The following SERPINB12 variants were observed in gnomAD, a reference collection of about 807,000 sequenced individuals.
SERPINB12 encodes serpin B12.
In SERPINB12, 57 loss-of-function variants were observed where a neutral mutation model predicts 41.1. The observed-to-expected ratio is 1.39, with a 90% CI of 1.12 to 1.73. The LOEUF (loss-of-function observed/expected upper bound fraction) is 1.73. Ranked by LOEUF, SERPINB12 falls within the 40% of genes most tolerant of loss-of-function variation. The pLI is 0.00. For synonymous variants in SERPINB12, 180 were observed against 181.3 expected (o/e 0.99, Z 0.06); for missense variants, 536 against 501.9 (o/e 1.07, Z -0.65).
chr18:63,565,593 A>T lies in SERPINB12; in HGVS notation c.854A>T (p.Asn285Ile), dbSNP rs371332005. ...FVLLPSHSKD[N>I]LKGLEELERK... ...CTGCTGCCATCTCACTCTAAAGATAACCTGAAGGGTCTGGAAGAGGTAAAT... is the reference window on the plus strand; with the variant it reads ...CTGCTGCCATCTCACTCTAAAGATATCCTGAAGGGTCTGGAAGAGGTAAAT... Residue 285 changes from asparagine to isoleucine, a missense_variant, in exon 7 of 8, where the codon AAC becomes ATC. Transcript: ENST00000382768. The T allele has an allele frequency of 6.2e-7, 1 of 1,613,230 alleles. No homozygotes were observed. Among genetic ancestry groups the T allele is most frequent in the East Asian group, 2.2e-5 (1 of 44,862 alleles).
At chr18:63,521,053 C>T in the SERPINB12 span, among the ~76,000 whole-genome samples, 730 of 152,272 alleles carry the variant, frequency 4.8e-3, 3 homozygotes, top group African/African-American at 0.016. Flanking sequence ...AGGGTGGCAT[C>T]AGTCCAATGT....
In SERPINB12 at chr18:63,566,770, C is replaced by T. The variant is rs999616133; in HGVS notation, c.1037C>T (p.Thr346Met). ...DMGITDIFDETRADLTGISPS... is the reference protein window; with the variant it reads ...DMGITDIFDEMRADLTGISPS... ...GGCATTACGGATATCTTTGATGAAA[C>T]GAGGGCTGATCTTACTGGAATCTCT... The change falls in exon 8 of 8, where the codon ACG becomes ATG. Residue 346 changes from threonine (T) to methionine (M), a missense_variant. Transcript: ENST00000382768. 2.2e-5 allele frequency: 35 copies of T among 1,613,956 alleles called. No homozygotes were observed. The highest frequency in any genetic ancestry group is 5.5e-5 in the South Asian group (5 of 91,056).
chr18:63,524,571 G>A, the SERPINB12 span, among the ~76,000 whole-genome samples: 3 of 152,052 alleles, frequency 2.0e-5, no homozygotes, highest in Non-Finnish European at 4.4e-5. Context: ...GATTACTGGC[G>A]TGAGCCACTG....
At chr18:63,565,667 A>C in intron 7 of SERPINB12, 55 bp downstream of exon 7, 1 of 1,490,874 alleles carries the variant, frequency 6.7e-7, no homozygotes, top group Non-Finnish European at 9.1e-7. Flanking sequence ...TCTTTAGAGA[A>C]CAACACTGTC....
intron 5 of SERPINB12, among the ~76,000 whole-genome samples, chr18:63,563,527 A>G (rs1249419174): frequency 6.6e-6 from 1 of 152,150 alleles, no homozygotes; most frequent in Non-Finnish European, 1.5e-5. Flanking sequence ...ACCTCCAGCC[A>G]GGACTGTGAA....
At chr18:63,553,297 A>G (rs188764091) in intron 1 of SERPINB12, among the ~76,000 whole-genome samples, 1 of 152,320 alleles carries the variant, frequency 6.6e-6, no homozygotes, top group East Asian at 1.9e-4. Flanking sequence ...AGGCATGAGG[A>G]AGTCTTAGCC....
chr18:63,521,987 C>T, the SERPINB12 span, among the ~76,000 whole-genome samples: 5 of 152,200 alleles, frequency 3.3e-5, no homozygotes, highest in South Asian at 4.1e-4. Context: ...GGTAGGACTA[C>T]AATCTAATGA....
chr18:63,555,757 A>T (rs1910651927), intron 1 of SERPINB12, among the ~76,000 whole-genome samples: 1 of 152,182 alleles, frequency 6.6e-6, no homozygotes, highest in African/African-American at 2.4e-5. Flanking sequence ...GCTGGCAACC[A>T]CCACAAGCTG....
the SERPINB12 span, among the ~76,000 whole-genome samples, chr18:63,532,560 TGGA>T: frequency 1.3e-5 from 2 of 152,154 alleles, no homozygotes; most frequent in African/African-American, 4.8e-5. Flanking sequence ...GTGGGGATTT[TGGA>T]GGAGGAGATG....
rs923342326 is a variant in SERPINB12 at position 63,559,878 on chromosome 18, C to G, written c.444+160C>G. ...TGTCCAGGACCTCCCTCTTTCAGTC[C>G]CACAGTTTTCTTCTCTTCCCAGTGT... On this transcript the variant is annotated intron_variant, in intron 4 of 7. Coordinates refer to ENST00000382768, the MANE Select transcript of SERPINB12 (RefSeq NM_001307928.2). Among the ~76,000 whole-genome samples the G allele has an allele frequency of 3.9e-5, 6 of 152,256 alleles. 1 individual carries two copies. Among genetic ancestry groups the G allele is most frequent in the African/African-American group, 1.4e-4 (6 of 41,542 alleles).
rs747489020 is a variant in SERPINB12 at position 63,558,416 on chromosome 18, A to T, written c.233A>T (p.Asn78Ile). The T allele has an allele frequency of 6.2e-7, 1 of 1,613,878 alleles. No individual in the cohort carries two copies. Among genetic ancestry groups the T allele is most frequent in the Non-Finnish European group, 8.5e-7 (1 of 1,179,876 alleles). The stretch of plus-strand genomic sequence containing the variant: ...GAACCTGACCCTTGTCTGAAAAGCA[A>T]CAAACAAAAAGTGCTGGCTGACAGC... ...SKEPDPCLKS[N>I]KQKVLADSSL... Residue 78 changes from asparagine (N) to isoleucine (I), a missense_variant, in exon 3 of 8, where the codon AAC becomes ATC. By Grantham distance (149) the Asn-to-Ile change is moderately radical. Transcript: ENST00000382768.
chr18:63,527,804 ACAT>A, the SERPINB12 span, among the ~76,000 whole-genome samples: 1 of 152,212 alleles, frequency 6.6e-6, no homozygotes, highest in Non-Finnish European at 1.5e-5. Flanking sequence ...AGTAGAATCA[ACAT>A]CAATAGGTAA....
At chr18:63,529,915 T>C in the SERPINB12 span, among the ~76,000 whole-genome samples, 21 of 152,294 alleles carry the variant, frequency 1.4e-4, 1 homozygote, top group East Asian at 2.9e-3. Flanking sequence ...CTTCCCTTTT[T>C]CAGAAACTCC....
At position 63,561,136 on chromosome 18, in the gene SERPINB12, G is replaced by A. The variant is rs1776140613; in HGVS notation, c.496G>A (p.Asp166Asn). The A allele has an allele frequency of 6.2e-7, 1 of 1,613,452 alleles. No homozygotes were observed. Among genetic ancestry groups the A allele is most frequent in the South Asian group, 1.1e-5 (1 of 91,038 alleles). Residue 166 changes from aspartate to asparagine, a missense_variant, in exon 5 of 8, where the codon GAT becomes AAT. Coordinates refer to ENST00000382768, the MANE Select transcript of SERPINB12 (RefSeq NM_001307928.2). ...QFYHTTIESVDFQKNPEKSRQ... is the reference protein window; with the variant it reads ...QFYHTTIESVNFQKNPEKSRQ... ...TTACCACACGACGATTGAAAGTGTT[G>A]ATTTCCAAAAAAACCCTGAAAAATC... is the stretch of plus-strand genomic sequence containing the variant.
At position 63,558,468 on chromosome 18, in the gene SERPINB12, A is replaced by G. The variant is rs1325144333; in HGVS notation, c.285A>G (p.Thr95=). ...CTCTGGAGGGGCAGAAAAAAACGAC[A>G]GAGCCTCTGGATCAGCAGGTGAACC... ...DSSLEGQKKT[T]EPLDQQAGSL... Residue 95 remains threonine (T), a synonymous_variant, in exon 3 of 8, where the codon ACA becomes ACG. Transcript: ENST00000382768. The G allele has an allele frequency of 1.2e-6, 2 of 1,613,162 alleles. No individual in the cohort carries two copies. Among genetic ancestry groups the G allele is most frequent in the East Asian group, 2.2e-5 (1 of 44,860 alleles).
intron 1 of SERPINB12, among the ~76,000 whole-genome samples, chr18:63,552,808 C>A (rs954927395): frequency 2.6e-5 from 4 of 152,136 alleles, no homozygotes; most frequent in African/African-American, 7.2e-5. Flanking sequence ...CCCCCACCCC[C>A]CAAAATAACC....
chr18:63,555,437 C>T (rs1185996163), intron 1 of SERPINB12, among the ~76,000 whole-genome samples: 3 of 152,088 alleles, frequency 2.0e-5, no homozygotes, highest in Admixed American at 6.5e-5. Flanking sequence ...AGAATGTTAG[C>T]CTTTGGCTTC....
At chr18:63,563,419 G>C (rs1373986521) in intron 5 of SERPINB12, among the ~76,000 whole-genome samples, 1 of 152,144 alleles carries the variant, frequency 6.6e-6, no homozygotes, top group African/African-American at 2.4e-5. Flanking sequence ...AAGCAATACA[G>C]GGAATCAAAG....
the SERPINB12 span, among the ~76,000 whole-genome samples, chr18:63,535,535 A>AAAG: frequency 4.6e-5 from 7 of 152,222 alleles, no homozygotes; most frequent in Non-Finnish European, 7.3e-5. Context: ...TGAAAGTCAA[A>AAAG]GAAAGGCACA....
Sources: allele counts gnomAD v4.1 joint callset (sites outside exome capture counted in the v4.1 genomes callset), GRCh38; gene constraint gnomAD v4.1.1; transcripts MANE v1.5; gene names NCBI Gene and HGNC (gene_info 2026-07-23, HGNC 2026-07-21).